Variants in UNC93A observed in about 807,000 individuals in gnomAD.
The protein encoded by UNC93A is unc-93 homolog A.
In UNC93A, 43 loss-of-function variants were observed where a neutral mutation model predicts 47.5. That is an observed-to-expected ratio of 0.91 (90% CI 0.71 to 1.17). The LOEUF (loss-of-function observed/expected upper bound fraction) is 1.17. Among genes scored for constraint, UNC93A ranks in the 50% most tolerant of loss-of-function variants. The pLI, the probability that UNC93A is intolerant of heterozygous loss-of-function variation, is 0.00. For missense variants in UNC93A, 605 were observed against 577.6 expected (o/e 1.05, Z -0.49); for synonymous variants, 280 against 258.0 (o/e 1.09, Z -0.82).
rs1051222210 is a variant in UNC93A, at chr6:167,294,444, A to C, written c.88-73A>C. 3.9e-6 allele frequency: 6 copies of C among 1,553,408 alleles called. No individual in the cohort carries two copies. In the African/African-American group the frequency reaches 6.8e-5, roughly 18 times the overall value. ...TGTGGCGGCCTCCAGCCTGGGGGAC[A>C]CTGAGGACCTGCTGGTGCCTCATCC... On this transcript the variant is annotated intron_variant, in intron 1 of 7. Coordinates refer to ENST00000230256, the MANE Select transcript of UNC93A (RefSeq NM_018974.4).
At chr6:167,297,560 T>C (rs2115134534) in intron 3 of UNC93A, among the ~76,000 whole-genome samples, 1 of 152,252 alleles carries the variant, frequency 6.6e-6, no homozygotes, top group Non-Finnish European at 1.5e-5. Flanking sequence ...AACAGATGAA[T>C]CTGAAAGAGA....
chr6:167,269,943 A>G (rs1355602134), upstream of UNC93A, among the ~76,000 whole-genome samples: 1 of 151,182 alleles, frequency 6.6e-6, no homozygotes, highest in Admixed American at 6.6e-5. Flanking sequence ...TGCTTTTTGT[A>G]CAGGGGGTCC....
chr6:167,288,487 C>G (rs1241739521), upstream of UNC93A, among the ~76,000 whole-genome samples: 5 of 144,004 alleles, frequency 3.5e-5, no homozygotes, highest in Admixed American at 3.5e-4. Context: ...CACACACACA[C>G]AGCATGAGTA....
At chr6:167,283,638 C>G (rs1031911986) in intron 1 of UNC93A, among the ~76,000 whole-genome samples, 2 of 152,168 alleles carry the variant, frequency 1.3e-5, no homozygotes, top group Non-Finnish European at 2.9e-5. Flanking sequence ...CTCACTCCCC[C>G]GCGTTGCCTG....
chr6:167,272,134 A>G (rs1048297362), intron 1 of UNC93A, among the ~76,000 whole-genome samples: 1 of 152,210 alleles, frequency 6.6e-6, no homozygotes, highest in Non-Finnish European at 1.5e-5. Context: ...AATTGTCTTC[A>G]GCTCAAAATG....
At chr6:167,297,059 G>T (rs2981963) in intron 3 of UNC93A, among the ~76,000 whole-genome samples, 33,409 of 152,184 alleles carry the variant, frequency 0.22, 3,915 homozygotes, top group African/African-American at 0.29. Flanking sequence ...AGCCGTGAAG[G>T]TGATGCATAG....
intron 1 of UNC93A, among the ~76,000 whole-genome samples, chr6:167,292,121 A>G (rs1783855418): frequency 6.6e-6 from 1 of 152,210 alleles, no homozygotes; most frequent in Non-Finnish European, 1.5e-5. Flanking sequence ...AGGCTGCAGC[A>G]TTCATCATGT....
intron 7 of UNC93A, among the ~76,000 whole-genome samples, chr6:167,311,996 T>C (rs1778570504): frequency 6.6e-6 from 1 of 151,360 alleles, no homozygotes. Flanking sequence ...TTCTTTTTTC[T>C]GTGCCAGGAT....
intron 3 of UNC93A, among the ~76,000 whole-genome samples, chr6:167,296,741 C>G (rs560045646): frequency 2.0e-5 from 3 of 152,198 alleles, no homozygotes; most frequent in African/African-American, 7.2e-5. Flanking sequence ...CTGTCTCTAC[C>G]CGACCTTGCC....
chr6:167,305,529 C>A (rs908633678), intron 5 of UNC93A, among the ~76,000 whole-genome samples: 1 of 151,836 alleles, frequency 6.6e-6, no homozygotes. Context: ...GGTGTCAGGG[C>A]AATCTTTTCA....
At chr6:167,313,749 C>T (rs557466030) in intron 7 of UNC93A, among the ~76,000 whole-genome samples, 1 of 152,236 alleles carries the variant, frequency 6.6e-6, no homozygotes, top group African/African-American at 2.4e-5. Flanking sequence ...GCATGATCTA[C>T]CACTTATAGC....
intron 6 of UNC93A, among the ~76,000 whole-genome samples, chr6:167,306,695 C>A (rs553457862): frequency 6.6e-6 from 1 of 152,324 alleles, no homozygotes; most frequent in South Asian, 2.1e-4. Context: ...GGAGGCTCTG[C>A]CTGGGGTTTC....
rs192066517 is a variant in UNC93A, at chr6:167,281,038, C to G, written c.-52+9580C>G. Among the ~76,000 whole-genome samples, 5 of 152,230 alleles carry G rather than the reference C, an allele frequency of 3.3e-5. No individual in the cohort carries two copies. The East Asian group carries it at 9.6e-4, about 29-fold the overall frequency. On this transcript the variant is annotated intron_variant, in intron 1 of 3. Coordinates refer to the UNC93A transcript ENST00000503433. ...AGGTTCCTTCTGAAGTTGAAATTATCATGATTGCCCAGAAGGATGTCCCAC... is the reference window on the plus strand; with the variant it reads ...AGGTTCCTTCTGAAGTTGAAATTATGATGATTGCCCAGAAGGATGTCCCAC...
intron 5 of UNC93A, among the ~76,000 whole-genome samples, chr6:167,305,073 G>T (rs1778344466): frequency 6.6e-6 from 1 of 152,022 alleles, no homozygotes; most frequent in African/African-American, 2.4e-5. Context: ...GTCTGGCAGA[G>T]GCTCTCCTTC....
chr6:167,301,449 T>C (rs901483724), intron 4 of UNC93A, among the ~76,000 whole-genome samples: 1 of 152,090 alleles, frequency 6.6e-6, no homozygotes, highest in African/African-American at 2.4e-5. Context: ...GAGAGAAAAA[T>C]GGACCTAAAA....
chr6:167,297,968 A>T lies in UNC93A; in HGVS notation c.523A>T (p.Thr175Ser). ...AGAGACCCTTCCAGAAGAGCAGCTC[A>T]CGTCCTGTGGGGCCAGTGACTGCCT... ...SQETLPEEQL[T>S]SCGASDCLMA... The change falls in exon 4 of 8, where the codon ACG (threonine) becomes TCG (serine). Residue 175 changes from threonine (T) to serine (S), a missense_variant. By Grantham distance (58) the Thr-to-Ser change is moderately conservative. Transcript: ENST00000230256. 2 of 1,614,062 alleles carry T rather than the reference A, an allele frequency of 1.2e-6. No homozygotes were observed. The highest frequency in any genetic ancestry group is 1.7e-6 in the Non-Finnish European group (2 of 1,180,012).
At chr6:167,312,737 C>T (rs1449915364) in intron 7 of UNC93A, among the ~76,000 whole-genome samples, 1 of 152,236 alleles carries the variant, frequency 6.6e-6, no homozygotes, top group Non-Finnish European at 1.5e-5. Flanking sequence ...TTTCAGTCTA[C>T]TTTCCTTTTT....
At position 167,307,775 on chromosome 6, in the gene UNC93A, C is replaced by G; in HGVS notation, c.977-4C>G. ...GCCTGGCGGTTTCCCCTCTGCACCC[C>G]CAGGCGCGGTGACCCACGTGTCCTG... is the stretch of plus-strand genomic sequence containing the variant. On this transcript the variant is annotated splice_polypyrimidine_tract_variant and splice_region_variant and intron_variant, in intron 6 of 7. Coordinates refer to ENST00000230256, the MANE Select transcript of UNC93A (RefSeq NM_018974.4). The G allele has an allele frequency of 2.5e-6, 4 of 1,592,510 alleles. No homozygotes were observed. Among genetic ancestry groups the G allele is most frequent in the Middle Eastern group, 1.7e-4 (1 of 6,014 alleles).
chr6:167,306,024 C>A lies in UNC93A; in HGVS notation c.950C>A (p.Thr317Lys), dbSNP rs370480270. 8.7e-6 allele frequency: 14 copies of A among 1,614,080 alleles called. No individual in the cohort carries two copies. Among genetic ancestry groups the A allele is most frequent in the Non-Finnish European group, 1.2e-5 (14 of 1,180,044 alleles). The change falls in exon 6 of 8, where the codon ACG becomes AAG. Residue 317 changes from threonine (T) to lysine (K), a missense_variant. Thr to Lys is a moderately conservative substitution (Grantham distance 78, BLOSUM62 -1). Coordinates refer to ENST00000230256, the MANE Select transcript of UNC93A (RefSeq NM_018974.4). ...TTGTATGGAAAGGTCTCGCAGTACA[C>A]GGGCAGGGCTGTGCTGTACGTGCTG... Reference protein sequence around the residue: ...SVLYGKVSQYTGRAVLYVLGA... With the variant: ...SVLYGKVSQYKGRAVLYVLGA...
Sources: allele counts gnomAD v4.1 joint callset (sites outside exome capture counted in the v4.1 genomes callset), GRCh38; gene constraint gnomAD v4.1.1; transcripts MANE v1.5; gene names NCBI Gene and HGNC (gene_info 2026-07-23, HGNC 2026-07-21).